Variants in C11orf97 observed in about 807,000 individuals in gnomAD.
C11orf97 encodes chromosome 11 open reading frame 97.
Under a neutral mutation model 16.2 loss-of-function variants are expected in C11orf97, and 15 were observed. The ratio of observed to expected loss-of-function variants is 0.93; its 90% CI spans 0.62 to 1.43. C11orf97 has a LOEUF of 1.43. Ranked by LOEUF, C11orf97 falls within the 40% of genes most tolerant of loss-of-function variation. C11orf97 has a pLI of 0.00. For synonymous variants in C11orf97, 61 were observed against 65.7 expected (o/e 0.93, Z 0.34); for missense variants, 171 against 161.2 (o/e 1.06, Z -0.33).
intron 1 of C11orf97, among the ~76,000 whole-genome samples, 184 bp downstream of exon 1, chr11:94,512,857 A>C (rs1181474331): frequency 6.6e-6 from 1 of 152,130 alleles, no homozygotes; most frequent in African/African-American, 2.4e-5. Context: ...CCATCTTTCC[A>C]AGCCCTCCTT....
chr11:94,516,315 G>T (rs1256199081), intron 1 of C11orf97, among the ~76,000 whole-genome samples: 1 of 152,172 alleles, frequency 6.6e-6, no homozygotes, highest in Non-Finnish European at 1.5e-5. Context: ...AACAACTAAA[G>T]TATTTGGTTG....
At chr11:94,527,979 C>G in intron 2 of C11orf97, 105 bp from the exon 3 acceptor site, 1 of 1,111,094 alleles carries the variant, frequency 9.0e-7, no homozygotes, top group Non-Finnish European at 1.2e-6. Context: ...CAAATAAACC[C>G]CCACCCAAAT....
chr11:94,531,252 C>A (rs577830881), intron 3 of C11orf97, among the ~76,000 whole-genome samples: 4 of 152,112 alleles, frequency 2.6e-5, no homozygotes, highest in African/African-American at 4.8e-5. Flanking sequence ...CCAGCCTGGT[C>A]AACATGGCGA....
At chr11:94,517,070 C>G (rs1947616411) in intron 1 of C11orf97, among the ~76,000 whole-genome samples, 1 of 152,136 alleles carries the variant, frequency 6.6e-6, no homozygotes, top group African/African-American at 2.4e-5. Context: ...GATTTAAAGG[C>G]CAGGGAAAAG....
chr11:94,523,696 A>T (rs975163760), intron 2 of C11orf97, among the ~76,000 whole-genome samples: 1 of 152,192 alleles, frequency 6.6e-6, no homozygotes, highest in African/African-American at 2.4e-5. Flanking sequence ...AGTTTTATGG[A>T]TGTTGAATAG....
rs538151729 is a variant in C11orf97 at position 94,520,491 on chromosome 11, A to T, written c.250+2804A>T. On this transcript the variant is annotated intron_variant, in intron 2 of 3. Transcript: ENST00000542198. ...AATGACTCCAGCATTTTTTATTTCTACCCTATACTTTTCCCCTTAAATCCC... is the reference window on the plus strand; with the variant it reads ...AATGACTCCAGCATTTTTTATTTCTTCCCTATACTTTTCCCCTTAAATCCC... Among the ~76,000 whole-genome samples the T allele has an allele frequency of 1.3e-5, 2 of 151,956 alleles. 1 individual carries two copies. Among genetic ancestry groups the T allele is most frequent in the South Asian group, 4.2e-4 (2 of 4,818 alleles).
At chr11:94,518,905 C>T (rs994492169) in intron 2 of C11orf97, among the ~76,000 whole-genome samples, 1 of 149,904 alleles carries the variant, frequency 6.7e-6, no homozygotes, top group South Asian at 2.1e-4. Context: ...ATGTTGTGCC[C>T]ACTTTACATT....
At chr11:94,528,864 C>T (rs1947718458) in intron 3 of C11orf97, among the ~76,000 whole-genome samples, 1 of 152,102 alleles carries the variant, frequency 6.6e-6, no homozygotes, top group Non-Finnish European at 1.5e-5. Context: ...AATAGACCTA[C>T]AATTGGGAGA....
At chr11:94,515,572 T>TCCTTCCTTTCCTTTC (rs1209520248) in intron 1 of C11orf97, among the ~76,000 whole-genome samples, 1 of 151,442 alleles carries the variant, frequency 6.6e-6, no homozygotes, top group Non-Finnish European at 1.5e-5. Flanking sequence ...CCTTTCCTTT[T>TCCTTCCTTTCCTTTC]CCTTCCTTTC....
intron 2 of C11orf97, among the ~76,000 whole-genome samples, chr11:94,523,281 C>A (rs1309698417): frequency 2.6e-5 from 4 of 152,178 alleles, no homozygotes; most frequent in Non-Finnish European, 5.9e-5. Context: ...CCAAGCCTGT[C>A]TAAATTCTAG....
chr11:94,526,223 T>C (rs550578584), intron 2 of C11orf97, among the ~76,000 whole-genome samples: 5 of 152,308 alleles, frequency 3.3e-5, no homozygotes, highest in African/African-American at 9.6e-5. Flanking sequence ...TGCTGTTTTC[T>C]AGACCCCCTT....
intron 2 of C11orf97, among the ~76,000 whole-genome samples, chr11:94,525,039 A>T (rs1947689038): frequency 1.3e-5 from 2 of 150,970 alleles, no homozygotes; most frequent in Non-Finnish European, 3.0e-5. Context: ...AGCTTGGATG[A>T]TGGAGCAAGA....
At chr11:94,512,997 T>C (rs542697176) in intron 1 of C11orf97, among the ~76,000 whole-genome samples, 2 of 152,206 alleles carry the variant, frequency 1.3e-5, no homozygotes, top group East Asian at 3.9e-4. Flanking sequence ...ATATACACAT[T>C]TGTATATGTA....
chr11:94,516,108 C>G (rs1947609799), intron 1 of C11orf97, among the ~76,000 whole-genome samples: 1 of 152,144 alleles, frequency 6.6e-6, no homozygotes, highest in Admixed American at 6.5e-5. Context: ...GTAATTCTAA[C>G]TTTTTCATGT....
chr11:94,518,042 G>T (rs775196838), intron 2 of C11orf97, among the ~76,000 whole-genome samples: 2 of 151,408 alleles, frequency 1.3e-5, no homozygotes. Flanking sequence ...CCAGCTACTC[G>T]GGAGGCTGAG....
chr11:94,518,935 G>A lies in C11orf97; in HGVS notation c.250+1248G>A, dbSNP rs181092326. Among the ~76,000 whole-genome samples the A allele has an allele frequency of 3.4e-4, 51 of 150,600 alleles. 1 individual carries two copies. Among genetic ancestry groups the A allele is most frequent in the Admixed American group, 3.0e-3 (46 of 15,138 alleles). On this transcript the variant is annotated intron_variant, in intron 2 of 3. Transcript: ENST00000542198. ...TACATTTTTTTTTTTTTTGGATGGAGTCTCACTCTGTCACCCAGGCTGGAG... is the reference window on the plus strand; with the variant it reads ...TACATTTTTTTTTTTTTTGGATGGAATCTCACTCTGTCACCCAGGCTGGAG...
intron 1 of C11orf97, 115 bp from the exon 2 acceptor site, chr11:94,517,468 T>C (rs12273755): frequency 0.016 from 8,177 of 525,492 alleles, 175 homozygotes; most frequent in Middle Eastern, 0.067. Flanking sequence ...AATTGTCTGA[T>C]ATTTGTATGG....
chr11:94,520,997 C>A (rs764406056), intron 2 of C11orf97, among the ~76,000 whole-genome samples: 1 of 152,182 alleles, frequency 6.6e-6, no homozygotes, highest in Non-Finnish European at 1.5e-5. Context: ...CCACTTTAAC[C>A]ACACAGGCTT....
intron 2 of C11orf97, among the ~76,000 whole-genome samples, chr11:94,521,959 C>G (rs989519423): frequency 6.6e-6 from 1 of 152,180 alleles, no homozygotes; most frequent in Non-Finnish European, 1.5e-5. Context: ...TTGTTCCTTT[C>G]TCAAATTCCA....
Sources: gnomAD v4.1 joint callset for allele counts (sites outside exome capture counted in the v4.1 genomes callset) on GRCh38, gnomAD v4.1.1 for gene constraint, MANE v1.5 for transcripts, NCBI Gene and HGNC (gene_info 2026-07-23, HGNC 2026-07-21) for gene names.